The following BICRA variants were observed in gnomAD, a reference collection of about 807,000 sequenced individuals.
BICRA encodes BRD4 interacting chromatin remodeling complex associated protein, also known as BRD4-interacting chromatin-remodeling complex-associated protein.
Under a neutral mutation model 96.9 loss-of-function variants are expected in BICRA, and 31 were observed. The observed-to-expected ratio is 0.32, with a 90% confidence interval of 0.24 to 0.43. The LOEUF (loss-of-function observed/expected upper bound fraction) is 0.43, where lower values mean the gene tolerates loss of function less well. BICRA is among the 20% of genes least tolerant of loss of function. The pLI is 1.00. For missense variants in BICRA, 2,283 were observed against 2,190.3 expected (o/e 1.04, Z -0.84); for synonymous variants, 1,350 against 1,071.8 (o/e 1.26, Z -5.07).
chr19:47,636,503 C>T (rs772739274), intron 1 of BICRA, among the ~76,000 whole-genome samples: 4 of 152,116 alleles, frequency 2.6e-5, no homozygotes, highest in Non-Finnish European at 4.4e-5. Flanking sequence ...TGAGCTACTG[C>T]GCCCAGCCTG....
chr19:47,665,479 G>GT (rs1001648001), intron 1 of BICRA, among the ~76,000 whole-genome samples: 3 of 151,722 alleles, frequency 2.0e-5, no homozygotes, highest in African/African-American at 7.3e-5. Context: ...TTTTGGTTTT[G>GT]TTTTTTTTGG....
Position 47,680,969 on chromosome 19 carries a change from A to G in BICRA, c.1799A>G (p.Asp600Gly). 2 of 1,474,022 alleles carry G rather than the reference A, an allele frequency of 1.4e-6. No individual in the cohort carries two copies. The highest frequency in any genetic ancestry group is 1.8e-6 in the Non-Finnish European group (2 of 1,122,170). The allele number at this position is 1,474,022 out of a possible 1,614,324, so 91.3% of individuals were successfully genotyped here. A position where few individuals can be genotyped will look rare whatever the true frequency, so the allele number is the denominator to read the frequency against. ...PSAVAMLNTP[D>G]GLVQPATPAA... ...GCCGTGGCCATGCTCAACACCCCCGACGGCCTGGTGCAGCCGGCCACCCCT... is the reference window on the plus strand; with the variant it reads ...GCCGTGGCCATGCTCAACACCCCCGGCGGCCTGGTGCAGCCGGCCACCCCT... Residue 600 changes from aspartate to glycine, a missense_variant, in exon 6 of 15, where the codon GAC (aspartate) becomes GGC (glycine). Transcript: ENST00000594866.
In BICRA at chr19:47,694,592, A is replaced by AC; in HGVS notation, c.2762dup (p.Pro922SerfsTer10). ...CAGCCAGGGGCCCCACAAGTCCCCC[A>AC]CTCCCCCTCCAACCCTCCACCTGGT... On this transcript the variant is annotated frameshift_variant, in exon 8 of 15. Transcript: ENST00000594866. LOFTEE classifies it high-confidence loss of function. 1 of 1,203,704 alleles carries AC rather than the reference A, an allele frequency of 8.3e-7. No individual in the cohort carries two copies. Among genetic ancestry groups the AC allele is most frequent in the Non-Finnish European group, 1.1e-6 (1 of 909,748 alleles). The allele number at this position is 1,203,704 out of a possible 1,614,324, so 74.6% of individuals were successfully genotyped here.
chr19:47,650,123 TTTTG>T (rs578023673), intron 1 of BICRA, among the ~76,000 whole-genome samples: 86 of 152,006 alleles, frequency 5.7e-4, no homozygotes, highest in African/African-American at 1.4e-3. Flanking sequence ...TGGCTAATTT[TTTTG>T]TTTGTTTGTT....
At chr19:47,646,140 A>AG in intron 1 of BICRA, among the ~76,000 whole-genome samples, 1 of 151,938 alleles carries the variant, frequency 6.6e-6, no homozygotes, top group Non-Finnish European at 1.5e-5. Context: ...AACTCAGGGC[A>AG]GGGGGGCGTC....
At chr19:47,688,556 C>T (rs1314654269) in intron 7 of BICRA, among the ~76,000 whole-genome samples, 16 of 151,954 alleles carry the variant, frequency 1.1e-4, no homozygotes, top group South Asian at 8.3e-4. Flanking sequence ...TTTGGGAAGC[C>T]GAGTTGGGTG....
Position 47,680,176 on chromosome 19 carries a change from C to G in BICRA, c.1006C>G (p.Leu336Val). Residue 336 changes from leucine (L) to valine (V), a missense_variant, in exon 6 of 15, where the codon CTG becomes GTG. Coordinates refer to ENST00000594866, the MANE Select transcript of BICRA (RefSeq NM_001394372.1). ...GGCCCCAGGCCTCGGCTCGTCGCCA[C>G]TGGTCCCGGCGCCCAACGTGATCCT... is the stretch of plus-strand genomic sequence containing the variant. ...AVAPGLGSSPLVPAPNVILHR... is the reference protein window; with the variant it reads ...AVAPGLGSSPVVPAPNVILHR... The G allele has an allele frequency of 1.9e-6, 3 of 1,539,906 alleles. No homozygotes were observed. The highest frequency in any genetic ancestry group is 1.7e-6 in the Non-Finnish European group (2 of 1,151,986).
chr19:47,616,268 C>T (rs1207169460), intron 1 of BICRA, among the ~76,000 whole-genome samples: 2 of 152,200 alleles, frequency 1.3e-5, no homozygotes, highest in Non-Finnish European at 2.9e-5. Flanking sequence ...GTAGCAGAGT[C>T]TCCCATAGGA....
intron 1 of BICRA, chr19:47,626,244 G>C (rs933398764): frequency 2.6e-5 from 4 of 152,236 alleles, no homozygotes; most frequent in Non-Finnish European, 4.4e-5. Context: ...GACTGGAGGA[G>C]GTAGGTGCAG....
chr19:47,668,246 C>CA (rs1320791891), intron 1 of BICRA, among the ~76,000 whole-genome samples: 1 of 152,124 alleles, frequency 6.6e-6, no homozygotes, highest in Non-Finnish European at 1.5e-5. Context: ...TTATCATTGT[C>CA]ATAGTCGGTC....
chr19:47,683,874 G>C (rs145984354), intron 7 of BICRA, among the ~76,000 whole-genome samples: 3 of 152,136 alleles, frequency 2.0e-5, no homozygotes, highest in Admixed American at 6.5e-5. Context: ...GTGAGCCACC[G>C]CACCTGGCCT....
At chr19:47,681,375 C>A in intron 6 of BICRA, 99 bp downstream of exon 6, 1 of 1,035,022 alleles carries the variant, frequency 9.7e-7, no homozygotes, top group Non-Finnish European at 1.3e-6. Context: ...GTGGATGCCA[C>A]TGTGGCAGCT....
chr19:47,682,081 C>A lies in BICRA; in HGVS notation c.2212C>A (p.Pro738Thr), dbSNP rs368458943. Residue 738 changes from proline (P) to threonine (T), a missense_variant, in exon 7 of 15, where the codon CCC (proline) becomes ACC (threonine). Physicochemically the swap from Pro to Thr is conservative, Grantham distance 38 (BLOSUM62 -1). Coordinates refer to ENST00000594866, the MANE Select transcript of BICRA (RefSeq NM_001394372.1). Reference protein sequence around the residue: ...PPAQDPAPATPVAKGAGLGPQ... With the variant: ...PPAQDPAPATTVAKGAGLGPQ... ...CGCCCAAGACCCAGCCCCAGCCACCCCCGTCGCCAAAGGAGCTGGCCTCGG... is the reference window on the plus strand; with the variant it reads ...CGCCCAAGACCCAGCCCCAGCCACCACCGTCGCCAAAGGAGCTGGCCTCGG... 83 of 1,517,972 alleles carry A rather than the reference C, an allele frequency of 5.5e-5. No homozygotes were observed. Among genetic ancestry groups the A allele is most frequent in the Non-Finnish European group, 4.5e-6 (5 of 1,118,722 alleles). 94.0% of individuals were successfully genotyped at this position (1,517,972 alleles called of 1,614,324 possible).
chr19:47,618,560 C>T (rs1972016725), intron 1 of BICRA, among the ~76,000 whole-genome samples: 2 of 151,936 alleles, frequency 1.3e-5, no homozygotes, highest in Admixed American at 1.3e-4. Flanking sequence ...GGGTTGATGC[C>T]CCTTGACCCC....
chr19:47,685,211 T>C (rs1395146722), intron 7 of BICRA, among the ~76,000 whole-genome samples: 1 of 151,794 alleles, frequency 6.6e-6, no homozygotes, highest in Non-Finnish European at 1.5e-5. Flanking sequence ...GGTCTCGAAC[T>C]CCTAGGCTTA....
In BICRA at chr19:47,680,219, C is replaced by G; in HGVS notation, c.1049C>G (p.Pro350Arg). The change falls in exon 6 of 15, where the codon CCC becomes CGC. Residue 350 changes from proline (P) to arginine (R), a missense_variant. Transcript: ENST00000594866. Reference sequence around the variant, plus strand: ...GTGATCCTGCATCGCACACCCACGCCCATCCAGCCCAAGCCCGCGGGGGTG... The same window carrying G: ...GTGATCCTGCATCGCACACCCACGCGCATCCAGCCCAAGCCCGCGGGGGTG... ...PNVILHRTPT[P>R]IQPKPAGVLP... The G allele has an allele frequency of 6.4e-7, 1 of 1,559,212 alleles. No homozygotes were observed. Among genetic ancestry groups the G allele is most frequent in the Non-Finnish European group, 8.6e-7 (1 of 1,161,326 alleles).
At chr19:47,622,717 C>T in intron 1 of BICRA, among the ~76,000 whole-genome samples, 1 of 85,290 alleles carries the variant, frequency 1.2e-5, no homozygotes, top group Admixed American at 1.5e-4. Flanking sequence ...GAGTGAGACT[C>T]TGTCTCAAAA....
intron 1 of BICRA, among the ~76,000 whole-genome samples, chr19:47,660,592 CTG>C (rs1355645804): frequency 1.1e-4 from 16 of 152,170 alleles, no homozygotes; most frequent in African/African-American, 3.6e-4. Context: ...CCTCATTTGT[CTG>C]TCTGACCAAG....
At chr19:47,695,299 C>T (rs1392621440) in intron 9 of BICRA, 66 bp from the exon 10 acceptor site, 5 of 841,904 alleles carry the variant, frequency 5.9e-6, no homozygotes, top group Non-Finnish European at 9.8e-6. Flanking sequence ...ATGGGGCTCC[C>T]GTTTGAGGAG....
Sources: gnomAD v4.1 joint callset for allele counts (sites outside exome capture counted in the v4.1 genomes callset) on GRCh38, gnomAD v4.1.1 for gene constraint, MANE v1.5 for transcripts, NCBI Gene and HGNC (gene_info 2026-07-23, HGNC 2026-07-21) for gene names.